KLF13: variants seen among roughly 807,000 people sequenced by gnomAD.
KLF13 encodes Krueppel-like factor 13.
A neutral mutation model predicts 16.7 loss-of-function variants in KLF13; 8 were observed. The observed-to-expected ratio is 0.48, with a 90% CI of 0.28 to 0.87. The LOEUF (loss-of-function observed/expected upper bound fraction) is 0.87, where lower values mean the gene tolerates loss of function less well. KLF13 is among the 40% of genes least tolerant of loss of function. The probability of loss-of-function intolerance (pLI) is 0.10; values close to 1 mark genes in which losing one functional copy is unlikely to be tolerated. For synonymous variants in KLF13, 245 were observed against 208.4 expected, an observed-to-expected ratio of 1.18 and a Z score of -1.51; for missense variants, 447 against 452.2, an observed-to-expected ratio of 0.99 and a Z score of 0.10.
intron 1 of KLF13, among the ~76,000 whole-genome samples, 194 bp downstream of exon 1, chr15:31,327,983 G>T (rs1162794934): frequency 6.8e-6 from 1 of 147,640 alleles, no homozygotes; most frequent in South Asian, 2.1e-4. Flanking sequence ...CTTGGCTCTC[G>T]GAGCCGGCGC....
intron 1 of KLF13, among the ~76,000 whole-genome samples, chr15:31,424,198 A>G (rs567780882): frequency 5.8e-4 from 89 of 152,202 alleles, no homozygotes; most frequent in Non-Finnish European, 1.0e-3. Flanking sequence ...AAACTTTTTA[A>G]AAAATTGAAG....
intron 1 of KLF13, among the ~76,000 whole-genome samples, chr15:31,412,788 G>T (rs547213384): frequency 6.6e-6 from 1 of 152,310 alleles, no homozygotes; most frequent in East Asian, 1.9e-4. Flanking sequence ...GCAACAGAAT[G>T]TGGAGAAGTT....
rs1296118660 is a variant in KLF13 at position 31,372,097 on chromosome 15, C to T, written c.665C>T (p.Thr222Met). ...CTGGCGCGGCACTACCGCACACACA[C>T]GGGCGAGAAGAAGTTCAGCTGCCCC... Reference protein sequence around the residue: ...DELARHYRTHTGEKKFSCPIC... With the variant: ...DELARHYRTHMGEKKFSCPIC... Residue 222 changes from threonine to methionine, a missense_variant, in exon 2 of 2, where the codon ACG (threonine) becomes ATG (methionine). By Grantham distance (81) the Thr-to-Met change is moderately conservative. Around this residue, in one of 2 missense-constraint regions of KLF13, gnomAD observed 88 missense variants for 169.5 expected, o/e 0.52. Coordinates refer to ENST00000307145, the MANE Select transcript of KLF13 (RefSeq NM_015995.4). 3 of 1,613,002 alleles carry T rather than the reference C, an allele frequency of 1.9e-6. No individual in the cohort carries two copies. Among genetic ancestry groups the T allele is most frequent in the Non-Finnish European group, 1.7e-6 (2 of 1,179,972 alleles).
intron 1 of KLF13, among the ~76,000 whole-genome samples, chr15:31,349,811 G>A (rs917925183): frequency 5.9e-5 from 9 of 152,184 alleles, no homozygotes; most frequent in Non-Finnish European, 1.2e-4. Flanking sequence ...TGGGGAGGGG[G>A]TTCACAGCTT....
intron 2 of KLF13, among the ~76,000 whole-genome samples, chr15:31,397,226 CGGGGTGGGGTGGGGT>C (rs1040036015): frequency 2.1e-4 from 1 of 4,870 alleles, no homozygotes; most frequent in African/African-American, 2.7e-4. Flanking sequence ...CAGGGTGGGG[CGGGGTGGGGTGGGGT>C]GGGGCGGGCA....
chr15:31,390,193 A>G (rs1216306732), upstream of KLF13, among the ~76,000 whole-genome samples: 1 of 152,036 alleles, frequency 6.6e-6, no homozygotes. Context: ...CTTGTCCCTG[A>G]GTGGGAGCAC....
At chr15:31,343,098 A>T (rs2039056187) in intron 1 of KLF13, among the ~76,000 whole-genome samples, 1 of 152,168 alleles carries the variant, frequency 6.6e-6, no homozygotes, top group Non-Finnish European at 1.5e-5. Flanking sequence ...ACGCCGAGGC[A>T]CATACTGTCT....
rs1202315138 is a variant in KLF13, at chr15:31,327,580, G to A, written c.368G>A (p.Ser123Asn). ...AAAAPPSPAW[S>N]EPEPEAGLEP... is the part of the protein sequence containing the mutation. The stretch of plus-strand genomic sequence containing the variant: ...GCCGCGCCCCCCAGCCCGGCGTGGA[G>A]CGAGCCGGAGCCCGAGGCGGGGCTG... The change falls in exon 1 of 2, where the codon AGC becomes AAC. Residue 123 changes from serine (S) to asparagine (N), a missense_variant. By Grantham distance (46) the Ser-to-Asn change is conservative. Transcript: ENST00000307145. The A allele has an allele frequency of 8.3e-7, 1 of 1,199,330 alleles. No individual in the cohort carries two copies. Among genetic ancestry groups the A allele is most frequent in the African/African-American group, 1.6e-5 (1 of 61,514 alleles). 74.3% of individuals were successfully genotyped at this position (1,199,330 alleles called of 1,614,324 possible).
intron 1 of KLF13, among the ~76,000 whole-genome samples, chr15:31,370,858 G>C (rs534553886): frequency 6.6e-6 from 1 of 152,214 alleles, no homozygotes; most frequent in South Asian, 2.1e-4. Flanking sequence ...TTTTCCTCTA[G>C]AGTTGGTGGT....
intron 1 of KLF13, among the ~76,000 whole-genome samples, chr15:31,348,811 G>A (rs1169026381): frequency 6.6e-6 from 1 of 152,180 alleles, no homozygotes; most frequent in Non-Finnish European, 1.5e-5. Flanking sequence ...AGTTCTGGAG[G>A]CTGGAAGTCC....
At chr15:31,388,045 T>C (rs1366667885), upstream of KLF13, among the ~76,000 whole-genome samples, 1 of 152,188 alleles carries the variant, frequency 6.6e-6, no homozygotes, top group Non-Finnish European at 1.5e-5. Context: ...ACAGGTTTCA[T>C]TGATCTGAGA....
At chr15:31,404,733 C>T (rs12441765), downstream of KLF13, 33,632 of 152,260 alleles carry the variant, frequency 0.22, 4,293 homozygotes, top group East Asian at 0.43. Context: ...GCTGCTCACT[C>T]TTTGGGTCCG....
intron 2 of KLF13, among the ~76,000 whole-genome samples, chr15:31,399,429 T>G (rs539701635): frequency 1.3e-5 from 2 of 152,212 alleles, no homozygotes; most frequent in Non-Finnish European, 2.9e-5. Context: ...CCTCCCAAAG[T>G]GCTGGGATTA....
intron 1 of KLF13, among the ~76,000 whole-genome samples, chr15:31,345,742 A>G (rs1156978654): frequency 1.3e-5 from 2 of 152,166 alleles, no homozygotes; most frequent in Non-Finnish European, 2.9e-5. Context: ...TGACCACACC[A>G]GGGCTTAGTG....
chr15:31,423,101 G>GTA (rs1188647731), intron 1 of KLF13, among the ~76,000 whole-genome samples: 1 of 77,070 alleles, frequency 1.3e-5, no homozygotes, highest in African/African-American at 4.5e-5. Context: ...GTATATATAC[G>GTA]TATACGTATA....
At chr15:31,342,141 T>C (rs1483560050) in intron 1 of KLF13, among the ~76,000 whole-genome samples, 2 of 151,986 alleles carry the variant, frequency 1.3e-5, no homozygotes, top group Non-Finnish European at 2.9e-5. Flanking sequence ...ATCAGAACAG[T>C]TCTGGACAAG....
intron 1 of KLF13, among the ~76,000 whole-genome samples, chr15:31,425,832 G>C (rs1369439777): frequency 6.6e-6 from 1 of 152,018 alleles, no homozygotes; most frequent in Admixed American, 6.6e-5. Flanking sequence ...AGCTGAGATC[G>C]CGCCACTGCA....
intron 1 of KLF13, among the ~76,000 whole-genome samples, chr15:31,371,036 TGA>T (rs943767669): frequency 2.0e-5 from 3 of 151,140 alleles, no homozygotes; most frequent in African/African-American, 7.3e-5. Context: ...TGTATGGGGG[TGA>T]GAGGGGATGA....
intron 1 of KLF13, among the ~76,000 whole-genome samples, chr15:31,359,922 C>T (rs969232518): frequency 9.2e-5 from 14 of 152,178 alleles, no homozygotes; most frequent in Non-Finnish European, 1.6e-4. Flanking sequence ...CCCTCCACCC[C>T]GCATGTTGTG....
Sources: allele counts gnomAD v4.1 joint callset (sites outside exome capture counted in the v4.1 genomes callset), GRCh38; gene constraint gnomAD v4.1.1; regional missense constraint gnomAD v4.1.1; transcripts MANE v1.5; gene names NCBI Gene and HGNC (gene_info 2026-07-23, HGNC 2026-07-21).